The following BTN3A2 variants were observed in gnomAD, a reference collection of about 807,000 sequenced individuals.
BTN3A2 encodes the protein butyrophilin subfamily 3 member A2.
BTN3A2 carries 25 observed loss-of-function variants against 37.6 expected under a neutral mutation model. The observed-to-expected ratio is 0.66, with a 90% CI of 0.48 to 0.93. The LOEUF is 0.93. BTN3A2 is among the 40% of genes least tolerant of loss of function. BTN3A2 has a pLI of 0.00. For missense variants in BTN3A2, 266 were observed against 410.9 expected, an observed-to-expected ratio of 0.65 and a Z score of 3.05; for synonymous variants, 122 against 159.4, an observed-to-expected ratio of 0.77 and a Z score of 1.77.
At position 26,372,956 on chromosome 6, in the gene BTN3A2, T is replaced by TTGC. The variant is rs762532058; in HGVS notation, c.783_785dup (p.Leu263dup). The TTGC allele has an allele frequency of 8.7e-6, 14 of 1,614,246 alleles. No homozygotes were observed. Among genetic ancestry groups the TTGC allele is most frequent in the Middle Eastern group, 3.3e-4 (2 of 6,040 alleles). ...AGCCCTGGCAGGGACCCTGCCTATCTTGCTGCTGCTTCTCGCCGGAGCCAG... is the reference window on the plus strand; with the variant it reads ...AGCCCTGGCAGGGACCCTGCCTATCTTGCTGCTGCTGCTTCTCGCCGGAGCCAG... On this transcript the variant is annotated inframe_insertion, in exon 6 of 11. Coordinates refer to ENST00000377708, the MANE Select transcript of BTN3A2 (RefSeq NM_007047.5).
chr6:26,376,633 G>A lies in BTN3A2; in HGVS notation c.*871G>A. 2 of 1,467,842 alleles carry A rather than the reference G, an allele frequency of 1.4e-6. No homozygotes were observed. Among genetic ancestry groups the A allele is most frequent in the Non-Finnish European group, 1.9e-6 (2 of 1,052,510 alleles). The allele number at this position is 1,467,842 out of a possible 1,614,324, so 90.9% of individuals were successfully genotyped here. A position where few individuals can be genotyped will look rare whatever the true frequency, so the allele number is the denominator to read the frequency against. On this transcript the variant is annotated 3_prime_UTR_variant, in exon 11 of 11. Transcript: ENST00000377708. ...ATCCTCCTTGTTTCTGAGGACCAGA[G>A]GAGTGTACAGCGTGCTGAGGAGCCC...
At chr6:26,375,628 G>C in intron 10 of BTN3A2, 169 bp from the exon 11 acceptor site, 1 of 1,496,120 alleles carries the variant, frequency 6.7e-7, no homozygotes, top group South Asian at 1.3e-5. Flanking sequence ...GCTGAAGGCT[G>C]GAGAGTGAAT....
rs577196376 is a variant in BTN3A2, at chr6:26,372,601, A to C, written c.716-296A>C. The stretch of plus-strand genomic sequence containing the variant: ...CTTTATGTGTATGTAGTTTTGAACG[A>C]TGTAAATGTGTTACCTATTGAAAAA... On this transcript the variant is annotated intron_variant, in intron 5 of 10. Transcript: ENST00000377708. The C allele has an allele frequency of 1.4e-4, 52 of 360,978 alleles. No individual in the cohort carries two copies. In the East Asian group the frequency reaches 3.0e-3, roughly 20 times the overall value. 22.4% of individuals were successfully genotyped at this position (360,978 alleles called of 1,614,324 possible).
rs559200552 is a variant in BTN3A2 at position 26,377,103 on chromosome 6, G to A, written c.*1341G>A. On this transcript the variant is annotated 3_prime_UTR_variant, in exon 11 of 11. Coordinates refer to ENST00000377708, the MANE Select transcript of BTN3A2 (RefSeq NM_007047.5). ...CCTGACCGTTTGCCCAATACCAAAA[G>A]TAGAGAGTTCCCCCGATCCCGACCT... 3 of 1,325,198 alleles carry A rather than the reference G, an allele frequency of 2.3e-6. No homozygotes were observed. Among genetic ancestry groups the A allele is most frequent in the East Asian group, 2.3e-5 (1 of 43,404 alleles). 82.1% of individuals were successfully genotyped at this position (1,325,198 alleles called of 1,614,324 possible).
chr6:26,366,304 C>A (rs1198647309), intron 1 of BTN3A2, among the ~76,000 whole-genome samples: 3 of 152,130 alleles, frequency 2.0e-5, no homozygotes, highest in African/African-American at 7.2e-5. Context: ...TTGCATCAAT[C>A]TCTAAATTTT....
intron 1 of BTN3A2, 143 bp downstream of exon 1, chr6:26,365,495 T>C: frequency 4.1e-6 from 3 of 734,126 alleles, no homozygotes; most frequent in Non-Finnish European, 6.6e-6. Flanking sequence ...TGTGTGTGTG[T>C]GTGTGTGTGT....
rs1253554567 is a variant in BTN3A2, at chr6:26,373,380, A to G, written c.938-7A>G. The G allele has an allele frequency of 1.9e-6, 3 of 1,597,434 alleles. No homozygotes were observed. The highest frequency in any genetic ancestry group is 2.6e-6 in the Non-Finnish European group (3 of 1,175,840). ...TTGATGACTCTTCCCTGTTCATTCCATTGCAGAGAGGAAAAAAATCCAGTA... is the reference window on the plus strand; with the variant it reads ...TTGATGACTCTTCCCTGTTCATTCCGTTGCAGAGAGGAAAAAAATCCAGTA... On this transcript the variant is annotated splice_region_variant and splice_polypyrimidine_tract_variant and intron_variant, in intron 7 of 10. Transcript: ENST00000377708.
intron 9 of BTN3A2, 106 bp downstream of exon 9, chr6:26,374,479 C>A: frequency 7.9e-7 from 1 of 1,265,792 alleles, no homozygotes; most frequent in Non-Finnish European, 1.1e-6. Flanking sequence ...GACTCAATTT[C>A]TGTGTGGTGG....
Position 26,373,061 on chromosome 6 carries a change from G to C in BTN3A2, c.880G>C (p.Gly294Arg). 1 of 1,614,072 alleles carries C rather than the reference G, an allele frequency of 6.2e-7. No individual in the cohort carries two copies. Among genetic ancestry groups the C allele is most frequent in the South Asian group, 1.1e-5 (1 of 91,080 alleles). ...AAGTGAGCAAGAGATGAAAGAAATG[G>C]GATATGCTGCAACAGAGCGGGAAAT... ...IESEQEMKEMGYAATEREISL... is the reference protein window; with the variant it reads ...IESEQEMKEMRYAATEREISL... Residue 294 changes from glycine (G) to arginine (R), a missense_variant, in exon 6 of 11, where the codon GGA (glycine) becomes CGA (arginine). By Grantham distance (125) the Gly-to-Arg change is moderately radical. This residue lies in a region of BTN3A2 where 204 missense variants were observed against 232.6 expected (regional missense o/e 0.88). Transcript: ENST00000377708.
chr6:26,371,252 C>A (rs572865961), intron 5 of BTN3A2, among the ~76,000 whole-genome samples: 1 of 151,908 alleles, frequency 6.6e-6, no homozygotes, highest in South Asian at 2.1e-4. Flanking sequence ...CAGAGCGAGA[C>A]TCTGTCTCAA....
At chr6:26,375,524 T>A in intron 10 of BTN3A2, 1 of 1,010,862 alleles carries the variant, frequency 9.9e-7, no homozygotes, top group Non-Finnish European at 1.5e-6. Context: ...GGGCCTCCCA[T>A]TGGCCAAACA....
chr6:26,372,708 A>C (rs939964006), intron 5 of BTN3A2, 189 bp from the exon 6 acceptor site: 1 of 627,540 alleles, frequency 1.6e-6, no homozygotes, highest in South Asian at 2.1e-5. Flanking sequence ...TAATAGTAGT[A>C]GCTTGTAGTG....
intron 5 of BTN3A2, 134 bp from the exon 6 acceptor site, chr6:26,372,763 A>T: frequency 9.6e-7 from 1 of 1,037,688 alleles, no homozygotes; most frequent in South Asian, 1.6e-5. Flanking sequence ...GACTTTAGGG[A>T]GAGAATCCTT....
At position 26,371,823 on chromosome 6, in the gene BTN3A2, C is replaced by T. The variant is rs142401480; in HGVS notation, c.716-1074C>T. ...TCTCCCAAGTAGCTGAGATTACAAGCATGTGCCACCACACCCAGCTAATTT... is the reference window on the plus strand; with the variant it reads ...TCTCCCAAGTAGCTGAGATTACAAGTATGTGCCACCACACCCAGCTAATTT... On this transcript the variant is annotated intron_variant, in intron 5 of 10. Coordinates refer to ENST00000377708, the MANE Select transcript of BTN3A2 (RefSeq NM_007047.5). 3.4e-3 allele frequency among the ~76,000 whole-genome samples: 524 copies of T among 152,216 alleles called. 5 individuals carry two copies. Among genetic ancestry groups the T allele is most frequent in the Non-Finnish European group, 5.5e-3 (376 of 68,022 alleles).
rs3757138 is a variant in BTN3A2 at position 26,375,875 on chromosome 6, A to G, written c.*113A>G. The G allele has an allele frequency of 0.11, 165,173 of 1,540,430 alleles. 9,927 individuals are homozygous for G. Among genetic ancestry groups the G allele is most frequent in the Non-Finnish European group, 0.12 (138,266 of 1,136,908 alleles). On this transcript the variant is annotated 3_prime_UTR_variant, in exon 11 of 11. Transcript: ENST00000377708. ...GAAAAATAGACTGCAGAAAAGGGGA[A>G]CTCATTTAGCTCACGAGTGGTCGAG...
At chr6:26,365,491 T>C in intron 1 of BTN3A2, 139 bp downstream of exon 1, 1 of 659,288 alleles carries the variant, frequency 1.5e-6, no homozygotes, top group Non-Finnish European at 2.5e-6. Context: ...TGTGTGTGTG[T>C]GTGTGTGTGT....
chr6:26,370,259 C>G (rs1371802154), intron 4 of BTN3A2, 63 bp from the exon 5 acceptor site: 1 of 1,536,914 alleles, frequency 6.5e-7, no homozygotes, highest in Non-Finnish European at 8.9e-7. Context: ...GACATTGATT[C>G]CCATTGAGAC....
At position 26,374,642 on chromosome 6, in the gene BTN3A2, A is replaced by G. The variant is rs1760528537; in HGVS notation, c.*7-129A>G. The G allele has an allele frequency of 4.5e-6, 5 of 1,105,316 alleles. No homozygotes were observed. The South Asian group carries it at 7.5e-5, about 17-fold the overall frequency. The allele number at this position is 1,105,316 out of a possible 1,614,324, so 68.5% of individuals were successfully genotyped here. A position where few individuals can be genotyped will look rare whatever the true frequency, so the allele number is the denominator to read the frequency against. ...GCCACCTCTGATCCATCAGAGCTGTAGAGGAGGGAAGCTGGACCCTGGAAG... is the reference window on the plus strand; with the variant it reads ...GCCACCTCTGATCCATCAGAGCTGTGGAGGAGGGAAGCTGGACCCTGGAAG... On this transcript the variant is annotated intron_variant, in intron 9 of 10. Coordinates refer to ENST00000377708, the MANE Select transcript of BTN3A2 (RefSeq NM_007047.5).
chr6:26,371,297 T>TAA (rs35249543), intron 5 of BTN3A2, among the ~76,000 whole-genome samples: 2 of 151,692 alleles, frequency 1.3e-5, no homozygotes, highest in South Asian at 2.1e-4. Context: ...AGAAACCAAG[T>TAA]AAAAAAAATG....
Sources: gnomAD v4.1 joint callset for allele counts (sites outside exome capture counted in the v4.1 genomes callset) on GRCh38, gnomAD v4.1.1 for gene constraint, gnomAD v4.1.1 regional missense constraint, MANE v1.5 for transcripts, NCBI Gene and HGNC (gene_info 2026-07-23, HGNC 2026-07-21) for gene names.